STX8: variants seen among roughly 807,000 people sequenced by gnomAD.
The protein encoded by STX8 is syntaxin 8, also known as syntaxin-8.
Under a neutral mutation model 37.5 loss-of-function variants are expected in STX8, and 23 were observed. That is an observed-to-expected ratio of 0.61 (90% CI 0.44 to 0.87). The LOEUF (loss-of-function observed/expected upper bound fraction) is 0.87, where lower values mean the gene tolerates loss of function less well. Among genes scored for constraint, STX8 ranks in the 40% least tolerant of loss-of-function variants. STX8 has a pLI of 0.00. For missense variants in STX8, 313 were observed against 284.7 expected (o/e 1.10, Z -0.71); for synonymous variants, 115 against 99.1 (o/e 1.16, Z -0.95).
In STX8 at chr17:9,439,494, CTAAT is replaced by C. The variant is rs892848851; in HGVS notation, c.541+52331_541+52334del. On this transcript the variant is annotated intron_variant, in intron 6 of 7. Coordinates refer to ENST00000306357, the MANE Select transcript of STX8 (RefSeq NM_004853.3). ...TCATATCTTCTCCACACTATAATAA[CTAAT>C]TGTTATGATCACTACTGTACTTACT... is the stretch of plus-strand genomic sequence containing the variant. Among the ~76,000 whole-genome samples, 13 of 151,766 alleles carry C rather than the reference CTAAT, an allele frequency of 8.6e-5. No individual in the cohort carries two copies. The East Asian group carries it at 9.7e-4, about 11-fold the overall frequency.
chr17:9,541,790 T>G (rs1182862629), intron 4 of STX8, among the ~76,000 whole-genome samples: 1 of 152,130 alleles, frequency 6.6e-6, no homozygotes, highest in Non-Finnish European at 1.5e-5. Flanking sequence ...CCTGAGCAAA[T>G]GCACATAAAG....
intron 7 of STX8, among the ~76,000 whole-genome samples, chr17:9,259,580 C>A (rs1372659733): frequency 6.6e-6 from 1 of 152,198 alleles, no homozygotes; most frequent in Non-Finnish European, 1.5e-5. Context: ...CTGGCAGCCT[C>A]TGTGTCAGTT....
At chr17:9,441,672 CTTTTTTTT>C (rs1161609414) in intron 6 of STX8, among the ~76,000 whole-genome samples, 6 of 93,248 alleles carry the variant, frequency 6.4e-5, no homozygotes, top group Admixed American at 3.9e-4. Context: ...AGCACCATGG[CTTTTTTTT>C]TTTTTTTTTT....
intron 7 of STX8, among the ~76,000 whole-genome samples, chr17:9,254,853 A>ATG (rs759718609): frequency 1.2e-3 from 176 of 151,818 alleles, no homozygotes; most frequent in African/African-American, 3.3e-3. Flanking sequence ...ACGTGTGTGC[A>ATG]TGTGTGTGTG....
chr17:9,501,879 G>C (rs1904625334), intron 5 of STX8, among the ~76,000 whole-genome samples: 1 of 152,058 alleles, frequency 6.6e-6, no homozygotes, highest in Non-Finnish European at 1.5e-5. Flanking sequence ...TGAGGCAGGA[G>C]AATAGCGTGA....
chr17:9,353,521 C>T (rs1910778673), intron 7 of STX8, among the ~76,000 whole-genome samples: 1 of 152,146 alleles, frequency 6.6e-6, no homozygotes, highest in Non-Finnish European at 1.5e-5. Flanking sequence ...AACCAAACAC[C>T]ATAAAGATCA....
chr17:9,353,933 A>C lies in STX8; in HGVS notation c.643+24619T>G, dbSNP rs2142249156. On this transcript the variant is annotated intron_variant, in intron 7 of 7. Coordinates refer to ENST00000306357, the MANE Select transcript of STX8 (RefSeq NM_004853.3). ...TAAAAAGTCAAGTAATCCTAAAAAA[A>C]GGTTATAATAAAAACCAGTGATTTC... Among the ~76,000 whole-genome samples, 2 of 152,298 alleles carry C rather than the reference A, an allele frequency of 1.3e-5. 1 individual carries two copies. The highest frequency in any genetic ancestry group is 4.1e-4 in the South Asian group (2 of 4,822).
At position 9,542,651 on chromosome 17, in the gene STX8, T is replaced by C. The variant is rs903967762; in HGVS notation, c.323+2521A>G. ...AAGATTGCGCCACTGCACTCCAGCC[T>C]GGGCGACAGAGCAAGACTCCATCTC... On this transcript the variant is annotated intron_variant, in intron 4 of 7. Coordinates refer to ENST00000306357, the MANE Select transcript of STX8 (RefSeq NM_004853.3). Among the ~76,000 whole-genome samples, 11 of 152,126 alleles carry C rather than the reference T, an allele frequency of 7.2e-5. No individual in the cohort carries two copies. The East Asian group carries it at 1.7e-3, about 24-fold the overall frequency.
At chr17:9,443,351 A>G (rs1035764142) in intron 6 of STX8, among the ~76,000 whole-genome samples, 15 of 152,190 alleles carry the variant, frequency 9.9e-5, no homozygotes, top group African/African-American at 3.4e-4. Context: ...AGCATCTACA[A>G]TGTACCTACT....
At chr17:9,570,133 G>A (rs554273030) in intron 1 of STX8, among the ~76,000 whole-genome samples, 5 of 152,110 alleles carry the variant, frequency 3.3e-5, no homozygotes, top group African/African-American at 1.2e-4. Flanking sequence ...ATTTTTGCTT[G>A]AGTAAACAAT....
intron 7 of STX8, among the ~76,000 whole-genome samples, chr17:9,338,915 C>CA (rs1365565376): frequency 1.3e-5 from 2 of 151,640 alleles, no homozygotes; most frequent in African/African-American, 4.9e-5. Flanking sequence ...ACTAAAAATA[C>CA]AAAAAATTAG....
At chr17:9,372,560 C>A (rs1911443800) in intron 7 of STX8, among the ~76,000 whole-genome samples, 1 of 151,948 alleles carries the variant, frequency 6.6e-6, no homozygotes, top group African/African-American at 2.4e-5. Context: ...TAACTGCAAT[C>A]TCTGCCTCCC....
At chr17:9,519,939 C>A (rs916077947) in intron 4 of STX8, among the ~76,000 whole-genome samples, 2 of 151,976 alleles carry the variant, frequency 1.3e-5, no homozygotes, top group Non-Finnish European at 2.9e-5. Flanking sequence ...CGCTGGTATT[C>A]CCATGGTGCT....
At chr17:9,430,518 G>C (rs551567331) in intron 6 of STX8, among the ~76,000 whole-genome samples, 1 of 151,618 alleles carries the variant, frequency 6.6e-6, no homozygotes, top group South Asian at 2.1e-4. Flanking sequence ...ATGTCTTCCA[G>C]GTTCATATAT....
chr17:9,565,162 C>T (rs531788598), intron 2 of STX8, among the ~76,000 whole-genome samples: 2 of 152,170 alleles, frequency 1.3e-5, no homozygotes, highest in Non-Finnish European at 2.9e-5. Flanking sequence ...GAGCCAGGAT[C>T]GTGCCACTGC....
intron 7 of STX8, among the ~76,000 whole-genome samples, chr17:9,364,797 G>T (rs1045962496): frequency 6.6e-6 from 1 of 152,126 alleles, no homozygotes; most frequent in Non-Finnish European, 1.5e-5. Context: ...GCCTCCCAAA[G>T]AGCTGAGATT....
chr17:9,354,028 G>C (rs1338967669), intron 7 of STX8, among the ~76,000 whole-genome samples: 2 of 152,010 alleles, frequency 1.3e-5, no homozygotes, highest in African/African-American at 2.4e-5. Context: ...TGTTTCTTCT[G>C]TTACTTATCT....
chr17:9,286,531 C>T (rs1908077705), intron 7 of STX8, among the ~76,000 whole-genome samples: 1 of 152,144 alleles, frequency 6.6e-6, no homozygotes. Flanking sequence ...AGCGATATTT[C>T]ACCTCAATAC....
intron 4 of STX8, among the ~76,000 whole-genome samples, chr17:9,527,841 C>T (rs577707654): frequency 1.0e-3 from 154 of 152,310 alleles, no homozygotes; most frequent in African/African-American, 3.7e-3. Context: ...ATCTTTAACA[C>T]TCATACCTTT....
Sources: allele counts gnomAD v4.1 joint callset (sites outside exome capture counted in the v4.1 genomes callset), GRCh38; gene constraint gnomAD v4.1.1; transcripts MANE v1.5; gene names NCBI Gene and HGNC (gene_info 2026-07-23, HGNC 2026-07-21).